The following PCDHGB1 variants were observed in gnomAD, a reference collection of about 807,000 sequenced individuals.
PCDHGB1 encodes the protein protocadherin gamma-B1.
Under a neutral mutation model 56.6 loss-of-function variants are expected in PCDHGB1, and 34 were observed. The observed-to-expected ratio is 0.60, with a 90% confidence interval of 0.46 to 0.80. The LOEUF is 0.80. Ranked by LOEUF, PCDHGB1 falls within the 30% of genes least tolerant of loss-of-function variation. The pLI, the probability that PCDHGB1 is intolerant of heterozygous loss-of-function variation, is 0.00. For synonymous variants in PCDHGB1, 561 were observed against 505.9 expected (o/e 1.11, Z -1.46); for missense variants, 1,278 against 1,204.6 (o/e 1.06, Z -0.90).
chr5:141,405,401 TC>T (rs1176566209), intron 1 of PCDHGB1: 1 of 1,591,534 alleles, frequency 6.3e-7, no homozygotes, highest in Non-Finnish European at 8.6e-7. Flanking sequence ...TTTCTTTCTT[TC>T]TTTTCTTTTT....
chr5:141,381,826 C>CTTCTTTTTTTTTTTTT (rs1777532522), intron 1 of PCDHGB1, among the ~76,000 whole-genome samples: 2 of 74,284 alleles, frequency 2.7e-5, no homozygotes, highest in African/African-American at 6.2e-5. Context: ...CTTTCTTCTT[C>CTTCTTTTTTTTTTTTT]TTTTTTTTTT....
rs2097400915 is a variant in PCDHGB1, at chr5:141,431,619, A to G, written c.2410-63188A>G. The stretch of plus-strand genomic sequence containing the variant: ...TATTCCTTCCGGTATGTGGACGACA[A>G]GGCGGCCCAAGTTTTCAAACTAGAT... On this transcript the variant is annotated intron_variant, in intron 1 of 3. Coordinates refer to ENST00000523390, the MANE Select transcript of PCDHGB1 (RefSeq NM_018922.3). The surrounding 1 kb of genome is among the most constrained non-coding windows in gnomAD (Gnocchi z 4.8). 3.1e-6 allele frequency: 5 copies of G among 1,614,230 alleles called. No homozygotes were observed. The highest frequency in any genetic ancestry group is 4.5e-5 in the East Asian group (2 of 44,880).
At position 141,490,487 on chromosome 5, in the gene PCDHGB1, C is replaced by T. The variant is rs1398601464; in HGVS notation, c.2410-4320C>T. Reference sequence around the variant, plus strand: ...ACCAGCCAGCCTTTGGACCGGGAGGCCACATCCCACTATATCATCGAGCTG... The same window carrying T: ...ACCAGCCAGCCTTTGGACCGGGAGGTCACATCCCACTATATCATCGAGCTG... On this transcript the variant is annotated intron_variant, in intron 1 of 3. Coordinates refer to ENST00000523390, the MANE Select transcript of PCDHGB1 (RefSeq NM_018922.3). This position sits in a 1 kb window ranked among gnomAD's most constrained non-coding sequence, Gnocchi z 5.4. 4 of 1,614,000 alleles carry T rather than the reference C, an allele frequency of 2.5e-6. No homozygotes were observed. The highest frequency in any genetic ancestry group is 1.7e-5 in the Admixed American group (1 of 59,996).
At chr5:141,418,823 A>G (rs985060966) in intron 1 of PCDHGB1, 7 of 1,613,868 alleles carry the variant, frequency 4.3e-6, no homozygotes, top group Admixed American at 3.3e-5. Context: ...CATAGAAGCA[A>G]AAGACCGAGG....
chr5:141,384,071 C>T, intron 1 of PCDHGB1: 1 of 1,603,192 alleles, frequency 6.2e-7, no homozygotes, highest in Non-Finnish European at 8.5e-7. Context: ...GAAAACCTAC[C>T]TTTTAAATTA....
At position 141,413,304 on chromosome 5, in the gene PCDHGB1, A is replaced by T; in HGVS notation, c.2409+60635A>T. The T allele has an allele frequency of 1.9e-6, 3 of 1,613,982 alleles. No individual in the cohort carries two copies. The Admixed American group carries it at 5.0e-5, about 27-fold the overall frequency. On this transcript the variant is annotated intron_variant, in intron 1 of 3. Transcript: ENST00000523390. Reference sequence around the variant, plus strand: ...TCTCCTACTCAATTCCTGAGGAATTAGAGAAAGGCTCTTTCGTGGGCAACA... The same window carrying T: ...TCTCCTACTCAATTCCTGAGGAATTTGAGAAAGGCTCTTTCGTGGGCAACA...
chr5:141,419,877 C>G (rs1272137716), intron 1 of PCDHGB1: 24 of 1,614,062 alleles, frequency 1.5e-5, no homozygotes, highest in Non-Finnish European at 1.9e-5. Flanking sequence ...GAGGTACTGC[C>G]GGATTTCAGC....
rs762138055 is a variant in PCDHGB1, at chr5:141,490,757, T to C, written c.2410-4050T>C. 6.2e-7 allele frequency: 1 copy of C among 1,613,918 alleles called. No homozygotes were observed. The highest frequency in any genetic ancestry group is 2.2e-5 in the East Asian group (1 of 44,892). On this transcript the variant is annotated intron_variant, in intron 1 of 3. Coordinates refer to ENST00000523390, the MANE Select transcript of PCDHGB1 (RefSeq NM_018922.3). The surrounding 1 kb of genome is among the most constrained non-coding windows in gnomAD (Gnocchi z 5.4). ...GTTCAGGGAGCCCCAGCCTCCTCCT[T>C]TGTGTATGTCAACCCAGAGGATGGA...
rs768510925 is a variant in PCDHGB1 at position 141,394,047 on chromosome 5, C to T, written c.2409+41378C>T. On this transcript the variant is annotated intron_variant, in intron 1 of 3. Coordinates refer to ENST00000523390, the MANE Select transcript of PCDHGB1 (RefSeq NM_018922.3). Reference sequence around the variant, plus strand: ...ATTAGTGACAAGGAAATATTTGGACCGAGAAAATGTCTCTATCTACAATAT... The same window carrying T: ...ATTAGTGACAAGGAAATATTTGGACTGAGAAAATGTCTCTATCTACAATAT... The T allele has an allele frequency of 5.6e-6, 9 of 1,613,438 alleles. No homozygotes were observed. The Admixed American group carries it at 1.5e-4, about 27-fold the overall frequency.
intron 1 of PCDHGB1, among the ~76,000 whole-genome samples, chr5:141,459,937 G>A (rs904431112): frequency 6.6e-6 from 1 of 152,132 alleles, no homozygotes; most frequent in Non-Finnish European, 1.5e-5. Flanking sequence ...TTGTAGCTGG[G>A]CGTGATGGCA....
At chr5:141,365,650 G>T in intron 1 of PCDHGB1, 1 of 1,613,414 alleles carries the variant, frequency 6.2e-7, no homozygotes, top group South Asian at 1.1e-5. Context: ...ACATCCCCTT[G>T]AAAGTAGCAG....
At chr5:141,365,434 G>A (rs770375441) in intron 1 of PCDHGB1, 6 of 1,613,902 alleles carry the variant, frequency 3.7e-6, no homozygotes, top group Non-Finnish European at 5.1e-6. Context: ...TAATCGCGCT[G>A]TTTAGCGTAC....
intron 1 of PCDHGB1, chr5:141,365,305 C>T (rs753864685): frequency 1.5e-5 from 24 of 1,613,808 alleles, no homozygotes; most frequent in Non-Finnish European, 1.9e-5. Flanking sequence ...AGGATGGAGG[C>T]GCTCTTGTTG....
At chr5:141,406,189 C>G (rs1277183811) in intron 1 of PCDHGB1, among the ~76,000 whole-genome samples, 1 of 151,722 alleles carries the variant, frequency 6.6e-6, no homozygotes, top group Admixed American at 6.6e-5. Context: ...CCTCCCACCT[C>G]AGCCTTCACA....
In PCDHGB1 at chr5:141,483,413, G is replaced by A. The variant is rs112015754; in HGVS notation, c.2410-11394G>A. 5.9e-4 allele frequency among the ~76,000 whole-genome samples: 90 copies of A among 152,300 alleles called. 1 individual carries two copies. Among genetic ancestry groups the A allele is most frequent in the African/African-American group, 1.7e-3 (69 of 41,584 alleles). ...AAATGCTTGAACCAGCACAGTGGCA[G>A]TACAGATGGAGGGAGCTGACTACAA... On this transcript the variant is annotated intron_variant, in intron 1 of 3. Transcript: ENST00000523390.
intron 1 of PCDHGB1, among the ~76,000 whole-genome samples, chr5:141,480,730 G>T (rs1261461187): frequency 6.6e-6 from 1 of 152,168 alleles, no homozygotes; most frequent in Non-Finnish European, 1.5e-5. Flanking sequence ...GTCTCTGGGG[G>T]TGGGACATAG....
chr5:141,478,499 G>A (rs77463374), intron 1 of PCDHGB1: 18 of 1,612,728 alleles, frequency 1.1e-5, no homozygotes, highest in African/African-American at 2.7e-5. Context: ...CTGTGATCCG[G>A]TGTTCTATAG....
At chr5:141,394,140 G>T (rs2092926485) in intron 1 of PCDHGB1, 1 of 1,613,868 alleles carries the variant, frequency 6.2e-7, no homozygotes, top group Non-Finnish European at 8.5e-7. Flanking sequence ...TCTGCACGTG[G>T]CAGACATTAA....
At chr5:141,434,070 T>C (rs1004240895) in intron 1 of PCDHGB1, among the ~76,000 whole-genome samples, 3 of 152,226 alleles carry the variant, frequency 2.0e-5, no homozygotes, top group Non-Finnish European at 2.9e-5. Context: ...TCTGTTAATA[T>C]CAATTATTTA....
Sources: allele counts gnomAD v4.1 joint callset (sites outside exome capture counted in the v4.1 genomes callset), GRCh38; gene constraint gnomAD v4.1.1; non-coding constraint Gnocchi (gnomAD v3.1); transcripts MANE v1.5; gene names NCBI Gene and HGNC (gene_info 2026-07-23, HGNC 2026-07-21).